The following HBP1 variants were observed in gnomAD, a reference collection of about 807,000 sequenced individuals.
The protein encoded by HBP1 is HMG-box transcription factor 1.
Under a neutral mutation model 62.6 loss-of-function variants are expected in HBP1, and 20 were observed. That is an observed-to-expected ratio of 0.32 (90% CI 0.22 to 0.46). The LOEUF is 0.46. Among genes scored for constraint, HBP1 ranks in the 20% least tolerant of loss-of-function variants. The probability of loss-of-function intolerance (pLI) is 1.00; values close to 1 mark genes in which losing one functional copy is unlikely to be tolerated. For missense variants in HBP1, 480 were observed against 611.8 expected (o/e 0.78, Z 2.27); for synonymous variants, 232 against 206.2 (o/e 1.12, Z -1.07).
At chr7:107,169,262 G>T (rs1176273193) in intron 1 of HBP1, 77 bp downstream of exon 1, 2 of 791,210 alleles carry the variant, frequency 2.5e-6, no homozygotes, top group South Asian at 4.6e-5. Flanking sequence ...GGGCAGACTG[G>T]AGGGCTCGGG....
intron 1 of HBP1, among the ~76,000 whole-genome samples, chr7:107,179,334 T>A (rs576421915): frequency 9.8e-5 from 15 of 152,372 alleles, no homozygotes; most frequent in Non-Finnish European, 1.8e-4. Context: ...GAAAAGACTT[T>A]TTTTTATAAT....
chr7:107,177,300 C>T (rs1299450701), intron 1 of HBP1, among the ~76,000 whole-genome samples: 1 of 152,218 alleles, frequency 6.6e-6, no homozygotes, highest in Non-Finnish European at 1.5e-5. Context: ...CGTTTCCTTA[C>T]ATCTAACCCA....
At chr7:107,174,168 C>T (rs907668990) in intron 1 of HBP1, among the ~76,000 whole-genome samples, 3 of 152,132 alleles carry the variant, frequency 2.0e-5, no homozygotes, top group African/African-American at 4.8e-5. Context: ...AGGGACCGAC[C>T]GTGAGTCTGA....
chr7:107,185,353 A>G (rs1430734635), intron 3 of HBP1, among the ~76,000 whole-genome samples: 1 of 152,162 alleles, frequency 6.6e-6, no homozygotes, highest in East Asian at 1.9e-4. Context: ...CTGCCCAGTG[A>G]TATGTGGTTG....
intron 1 of HBP1, among the ~76,000 whole-genome samples, chr7:107,172,358 C>G (rs1322949628): frequency 6.6e-6 from 1 of 151,982 alleles, no homozygotes; most frequent in Non-Finnish European, 1.5e-5. Flanking sequence ...CTAGTTTCAT[C>G]TTAGTTTTGT....
chr7:107,193,727 C>T (rs1001041374), intron 8 of HBP1, among the ~76,000 whole-genome samples: 1 of 152,110 alleles, frequency 6.6e-6, no homozygotes, highest in Non-Finnish European at 1.5e-5. Flanking sequence ...TAAATGTATA[C>T]AGTAGATGTA....
intron 1 of HBP1, among the ~76,000 whole-genome samples, chr7:107,173,915 T>A (rs1387267746): frequency 6.6e-6 from 1 of 152,248 alleles, no homozygotes; most frequent in Non-Finnish European, 1.5e-5. Context: ...GGGTTAGCTC[T>A]ACCAGGAGAT....
At chr7:107,169,317 G>A (rs1796431614) in intron 1 of HBP1, 132 bp downstream of exon 1, 2 of 363,560 alleles carry the variant, frequency 5.5e-6, no homozygotes, top group Non-Finnish European at 8.3e-6. Context: ...GGTGGGGGCA[G>A]TTAACCGTTC....
intron 1 of HBP1, among the ~76,000 whole-genome samples, chr7:107,177,043 AT>A (rs1246784752): frequency 6.6e-6 from 1 of 152,144 alleles, no homozygotes; most frequent in Non-Finnish European, 1.5e-5. Context: ...CCTGTTAATT[AT>A]GTATTTTCAG....
chr7:107,184,555 G>T (rs1420847073), intron 3 of HBP1, among the ~76,000 whole-genome samples: 1 of 152,130 alleles, frequency 6.6e-6, no homozygotes, highest in Non-Finnish European at 1.5e-5. Flanking sequence ...CTGTCGCCCA[G>T]GCTCGAGTGC....
At chr7:107,179,129 A>G (rs1796990944) in intron 1 of HBP1, among the ~76,000 whole-genome samples, 1 of 152,258 alleles carries the variant, frequency 6.6e-6, no homozygotes, top group Non-Finnish European at 1.5e-5. Context: ...AGACATTAAA[A>G]TAGAATCTTT....
At chr7:107,169,706 G>T in intron 1 of HBP1, 1 of 982,122 alleles carries the variant, frequency 1.0e-6, no homozygotes, top group Non-Finnish European at 1.2e-6. Context: ...GGGCCCCGGG[G>T]CTCATTGTTA....
intron 8 of HBP1, among the ~76,000 whole-genome samples, chr7:107,192,338 AAGGAT>A (rs1797690427): frequency 6.6e-6 from 1 of 152,038 alleles, no homozygotes; most frequent in African/African-American, 2.4e-5. Flanking sequence ...AGACTTTTGA[AAGGAT>A]AGCAGTCATT....
rs367946287 is a variant in HBP1 at position 107,186,068 on chromosome 7, T to A, written c.540+126T>A. On this transcript the variant is annotated intron_variant, in intron 4 of 10. Coordinates refer to ENST00000222574, the MANE Select transcript of HBP1 (RefSeq NM_012257.4). ...CTGGATTTGATTTTATATACAGCTC[T>A]GCTATGTGTTAGGAAAGCTTATTAT... The A allele has an allele frequency of 7.2e-6, 5 of 693,250 alleles. No homozygotes were observed. In the East Asian group the frequency reaches 1.3e-4, roughly 19 times the overall value. The allele number at this position is 693,250 out of a possible 1,614,324, so 42.9% of individuals were successfully genotyped here.
intron 8 of HBP1, among the ~76,000 whole-genome samples, chr7:107,191,551 T>C (rs550518832): frequency 1.3e-5 from 2 of 152,320 alleles, no homozygotes; most frequent in Non-Finnish European, 2.9e-5. Flanking sequence ...AGTAAGTTTG[T>C]AGCTGTATTA....
Position 107,170,026 on chromosome 7 carries a change from C to T in HBP1, c.-16+841C>T, listed in dbSNP as rs933002982. The T allele has an allele frequency of 2.6e-5, 26 of 985,450 alleles. No homozygotes were observed. The Middle Eastern group carries it at 2.1e-3, about 79-fold the overall frequency. 61.0% of individuals were successfully genotyped at this position (985,450 alleles called of 1,614,324 possible). On this transcript the variant is annotated intron_variant, in intron 1 of 10. Coordinates refer to ENST00000222574, the MANE Select transcript of HBP1 (RefSeq NM_012257.4). ...CAGGTTTTTGTAGCTTTAAATGCTG[C>T]GTGCTGTCTAGGGTGTTTCACTCTC...
chr7:107,188,681 G>A (rs1054262280), intron 6 of HBP1, among the ~76,000 whole-genome samples: 3 of 152,076 alleles, frequency 2.0e-5, no homozygotes, highest in Non-Finnish European at 2.9e-5. Context: ...TCTATAATAG[G>A]TGTCTCTCAT....
chr7:107,179,381 A>T (rs937359676), intron 1 of HBP1, among the ~76,000 whole-genome samples: 11 of 152,204 alleles, frequency 7.2e-5, no homozygotes, highest in Non-Finnish European at 2.9e-5. Flanking sequence ...AATGTGATTT[A>T]GTGCTGAGTA....
intron 6 of HBP1, 47 bp from the exon 7 acceptor site, chr7:107,189,245 T>C (rs1483113753): frequency 4.6e-6 from 7 of 1,516,766 alleles, no homozygotes; most frequent in South Asian, 1.2e-5. Flanking sequence ...TCACAGTGTT[T>C]TGAATTGAAC....
Sources: allele counts gnomAD v4.1 joint callset (sites outside exome capture counted in the v4.1 genomes callset), GRCh38; gene constraint gnomAD v4.1.1; transcripts MANE v1.5; gene names NCBI Gene and HGNC (gene_info 2026-07-23, HGNC 2026-07-21).